The following CASK variants were observed in gnomAD, a reference collection of about 807,000 sequenced individuals.
The protein encoded by CASK is calcium/calmodulin dependent serine protein kinase, also known as peripheral plasma membrane protein CASK.
In CASK, 4 loss-of-function variants were observed where a neutral mutation model predicts 82.9. The ratio of observed to expected loss-of-function variants is 0.05; its 90% confidence interval spans 0.02 to 0.11. The LOEUF is 0.11. Ranked by LOEUF, CASK falls within the 10% of genes least tolerant of loss-of-function variation. The probability of loss-of-function intolerance (pLI) is 1.00; values close to 1 mark genes in which losing one functional copy is unlikely to be tolerated. For synonymous variants in CASK, 259 were observed against 253.5 expected (o/e 1.02, Z -0.20); for missense variants, 358 against 720.9 (o/e 0.50, Z 5.76).
rs2066686979 is a variant in CASK, at chrX:41,643,021, T to A, written c.832-6360A>T. ...AAATAGGGAATCCTTTCCCCATTGC[T>A]TGTTTTTCTCAGGTTTGTCAAAGAT... On this transcript the variant is annotated intron_variant, in intron 8 of 26. Transcript: ENST00000378163. 2.7e-5 allele frequency among the ~76,000 whole-genome samples: 3 copies of A among 112,245 alleles called. No individual in the cohort carries two copies. In the Admixed American group the frequency reaches 2.8e-4, roughly 11 times the overall value.
At chrX:41,801,425 C>T (rs2069995646) in intron 2 of CASK, among the ~76,000 whole-genome samples, 1 of 111,956 alleles carries the variant, frequency 8.9e-6, no homozygotes, top group African/African-American at 3.3e-5. Flanking sequence ...TGATGGCTGT[C>T]CCAGCCTCCT....
intron 22 of CASK, among the ~76,000 whole-genome samples, chrX:41,539,800 AGTTG>A (rs1055060203): frequency 2.7e-5 from 3 of 112,277 alleles, no homozygotes; most frequent in African/African-American, 9.7e-5. Flanking sequence ...AAAATGGAAG[AGTTG>A]GTTGATGACA....
intron 5 of CASK, among the ~76,000 whole-genome samples, chrX:41,708,862 GT>G (rs1333498003): frequency 1.9e-5 from 2 of 107,000 alleles, no homozygotes; most frequent in African/African-American, 3.4e-5. Flanking sequence ...CTTCTTTCCA[GT>G]TTTTTTTTTC....
chrX:41,916,004 C>T (rs932688202), intron 1 of CASK, among the ~76,000 whole-genome samples: 11 of 106,785 alleles, frequency 1.0e-4, no homozygotes, highest in African/African-American at 3.8e-4. Context: ...CACACACACA[C>T]ACACACACAC....
chrX:41,867,718 A>G (rs2071617488), intron 1 of CASK, among the ~76,000 whole-genome samples: 1 of 112,378 alleles, frequency 8.9e-6, no homozygotes, highest in Non-Finnish European at 1.9e-5. Context: ...ATTTTACAAA[A>G]TAGTATTTTG....
chrX:41,822,891 G>T (rs2070580035), intron 2 of CASK, among the ~76,000 whole-genome samples: 2 of 110,055 alleles, frequency 1.8e-5, no homozygotes, highest in African/African-American at 6.6e-5. Context: ...CATCATGTCT[G>T]CTGTGTGTAA....
intron 3 of CASK, among the ~76,000 whole-genome samples, chrX:41,764,448 C>T (rs1367480305): frequency 1.8e-5 from 2 of 111,397 alleles, no homozygotes; most frequent in African/African-American, 6.5e-5. Context: ...TCCTAATCCA[C>T]ATATCTAACT....
At chrX:41,896,168 T>C (rs2072267292) in intron 1 of CASK, among the ~76,000 whole-genome samples, 1 of 111,775 alleles carries the variant, frequency 8.9e-6, no homozygotes, top group African/African-American at 3.3e-5. Context: ...CCACAAAAGA[T>C]TCAATTTAGA....
intron 11 of CASK, 96 bp from the exon 12 acceptor site, chrX:41,610,121 C>T: frequency 1.1e-6 from 1 of 870,068 alleles, no homozygotes; most frequent in Admixed American, 2.6e-5. Context: ...ACAATGAATT[C>T]ATATCAGAAC....
chrX:41,813,945 C>T (rs2147889110), intron 2 of CASK, among the ~76,000 whole-genome samples: 1 of 112,161 alleles, frequency 8.9e-6, no homozygotes, highest in South Asian at 3.7e-4. Flanking sequence ...TATGAACAGA[C>T]ACTCCTCAAA....
intron 5 of CASK, among the ~76,000 whole-genome samples, chrX:41,723,122 C>T (rs1440825931): frequency 8.9e-6 from 1 of 112,277 alleles, no homozygotes; most frequent in Non-Finnish European, 1.9e-5. Context: ...TATTAGCAAA[C>T]ATCATAGAGA....
chrX:41,616,135 C>T (rs1453230622), intron 11 of CASK, among the ~76,000 whole-genome samples: 2 of 111,888 alleles, frequency 1.8e-5, no homozygotes, highest in Non-Finnish European at 3.8e-5. Flanking sequence ...GTACCACCAG[C>T]GCACTCCATG....
chrX:41,825,586 T>C (rs2070647031), intron 2 of CASK, among the ~76,000 whole-genome samples: 2 of 112,329 alleles, frequency 1.8e-5, no homozygotes, highest in Non-Finnish European at 3.8e-5. Context: ...CCTATTATGA[T>C]GAAATCAAAC....
chrX:41,647,575 C>T (rs966228285), intron 8 of CASK, among the ~76,000 whole-genome samples: 2 of 111,203 alleles, frequency 1.8e-5, no homozygotes, highest in Admixed American at 9.6e-5. Context: ...ATCGAGAGAA[C>T]GAACAAGCCT....
chrX:41,840,449 C>T (rs1390062601), intron 2 of CASK, among the ~76,000 whole-genome samples: 1 of 112,151 alleles, frequency 8.9e-6, no homozygotes, highest in Admixed American at 9.4e-5. Context: ...GCTATAATCC[C>T]TTATTTGTTC....
At chrX:41,689,605 CA>C (rs936438249) in intron 5 of CASK, 6 of 111,440 alleles carry the variant, frequency 5.4e-5, no homozygotes, top group African/African-American at 2.0e-4. Context: ...AGAGAGAAAG[CA>C]AAATATGCTT....
intron 3 of CASK, among the ~76,000 whole-genome samples, chrX:41,757,133 T>A (rs2068910954): frequency 8.9e-6 from 1 of 112,403 alleles, no homozygotes; most frequent in African/African-American, 3.2e-5. Context: ...ATAATTTAAA[T>A]GAATTGTCTA....
intron 24 of CASK, 58 bp from the exon 25 acceptor site, chrX:41,531,267 T>G: frequency 1.1e-6 from 1 of 900,188 alleles, no homozygotes; most frequent in Non-Finnish European, 1.6e-6. Flanking sequence ...CTTACTACAC[T>G]CCCAACAGAT....
At chrX:41,596,598 A>G (rs1294567356) in intron 12 of CASK, among the ~76,000 whole-genome samples, 1 of 112,542 alleles carries the variant, frequency 8.9e-6, no homozygotes, top group African/African-American at 3.2e-5. Flanking sequence ...GAGGGAAAAC[A>G]AGAATGAATC....
Sources: gnomAD v4.1 joint callset for allele counts (sites outside exome capture counted in the v4.1 genomes callset) on GRCh38, gnomAD v4.1.1 for gene constraint, MANE v1.5 for transcripts, NCBI Gene and HGNC (gene_info 2026-07-23, HGNC 2026-07-21) for gene names.